Variants in KCTD1 observed in about 807,000 individuals in gnomAD.
The protein encoded by KCTD1 is potassium channel tetramerization domain containing 1.
A neutral mutation model predicts 66.0 loss-of-function variants in KCTD1; 24 were observed. The ratio of observed to expected loss-of-function variants is 0.36; its 90% confidence interval spans 0.26 to 0.51. The LOEUF (loss-of-function observed/expected upper bound fraction) is 0.51, where lower values mean the gene tolerates loss of function less well. Among genes scored for constraint, KCTD1 ranks in the 20% least tolerant of loss-of-function variants. The probability of loss-of-function intolerance (pLI) is 0.95; values close to 1 mark genes in which losing one functional copy is unlikely to be tolerated. For synonymous variants in KCTD1, 511 were observed against 517.2 expected (o/e 0.99, Z 0.16); for missense variants, 943 against 1,205.2 (o/e 0.78, Z 3.22).
chr18:26,554,316 C>T (rs114733601), intron 1 of KCTD1, among the ~76,000 whole-genome samples: 1,993 of 149,860 alleles, frequency 0.013, 70 homozygotes, highest in African/African-American at 0.046. Context: ...TTAAAATACC[C>T]CTGTGTATAA....
intron 1 of KCTD1, among the ~76,000 whole-genome samples, chr18:26,587,843 C>T (rs995794152): frequency 3.3e-5 from 5 of 152,108 alleles, no homozygotes; most frequent in East Asian, 1.9e-4. Context: ...CATGAGAAAA[C>T]GTTAACAGAT....
At chr18:26,498,810 A>G (rs1415559472) in intron 2 of KCTD1, among the ~76,000 whole-genome samples, 4 of 152,186 alleles carry the variant, frequency 2.6e-5, no homozygotes, top group African/African-American at 9.6e-5. Flanking sequence ...TATCCATGGA[A>G]AGATGGGCTG....
At chr18:26,570,958 A>G (rs1197958174) in intron 1 of KCTD1, among the ~76,000 whole-genome samples, 1 of 152,244 alleles carries the variant, frequency 6.6e-6, no homozygotes, top group Non-Finnish European at 1.5e-5. Flanking sequence ...TGTTTCAGGC[A>G]CTTCCATGGT....
At chr18:26,562,854 A>G (rs988356921) in intron 1 of KCTD1, among the ~76,000 whole-genome samples, 3 of 152,106 alleles carry the variant, frequency 2.0e-5, no homozygotes, top group African/African-American at 7.2e-5. Flanking sequence ...TGAACACATC[A>G]GTTCTACCAG....
intron 1 of KCTD1, among the ~76,000 whole-genome samples, chr18:26,589,712 C>A (rs1986552862): frequency 6.6e-6 from 1 of 152,136 alleles, no homozygotes; most frequent in African/African-American, 2.4e-5. Flanking sequence ...AAGGTTAGAC[C>A]CCTCCCTAGC....
chr18:26,548,558 C>T (rs1452689039), upstream of KCTD1: 3 of 1,227,844 alleles, frequency 2.4e-6, no homozygotes, highest in East Asian at 3.3e-5. Flanking sequence ...TCTGCCAGTC[C>T]TCGGGCAGGG....
At chr18:26,474,622 T>C (rs1567959718) in intron 3 of KCTD1, among the ~76,000 whole-genome samples, 1 of 152,166 alleles carries the variant, frequency 6.6e-6, no homozygotes, top group African/African-American at 2.4e-5. Context: ...TGTTCATAGC[T>C]AAAAAAATTT....
chr18:26,540,845 T>C (rs533513884), intron 1 of KCTD1, among the ~76,000 whole-genome samples: 3 of 152,282 alleles, frequency 2.0e-5, no homozygotes, highest in African/African-American at 7.2e-5. Flanking sequence ...AGTTAAAAAT[T>C]TGTTAAAAGC....
chr18:26,493,617 T>C (rs1598895009), intron 2 of KCTD1, among the ~76,000 whole-genome samples: 1 of 152,320 alleles, frequency 6.6e-6, no homozygotes, highest in East Asian at 1.9e-4. Flanking sequence ...ATGAGATACT[T>C]TGAAACAGGC....
chr18:26,593,513 GGAGGAA>G (rs1471622180), intron 1 of KCTD1, among the ~76,000 whole-genome samples: 6 of 87,006 alleles, frequency 6.9e-5, no homozygotes, highest in African/African-American at 2.8e-4. Flanking sequence ...AAGATGAGGA[GGAGGAA>G]GAAGACAAGG....
chr18:26,498,415 A>G (rs1255952864), intron 2 of KCTD1, among the ~76,000 whole-genome samples: 2 of 150,800 alleles, frequency 1.3e-5, no homozygotes, highest in Non-Finnish European at 2.9e-5. Context: ...TCTGTTTCAT[A>G]GTTCAGCGCT....
At chr18:26,494,069 T>C (rs1034651083) in intron 2 of KCTD1, among the ~76,000 whole-genome samples, 1 of 152,112 alleles carries the variant, frequency 6.6e-6, no homozygotes, top group African/African-American at 2.4e-5. Flanking sequence ...AGTAAGTCTG[T>C]TGAAAGAATG....
At chr18:26,650,021 C>A (rs1342091097) in intron 1 of KCTD1, among the ~76,000 whole-genome samples, 5 of 152,164 alleles carry the variant, frequency 3.3e-5, no homozygotes, top group Non-Finnish European at 5.9e-5. Context: ...CATTTCATAG[C>A]GTAAGTGTCT....
At chr18:26,536,588 G>A (rs1567984721) in intron 1 of KCTD1, among the ~76,000 whole-genome samples, 1 of 152,044 alleles carries the variant, frequency 6.6e-6, no homozygotes, top group African/African-American at 2.4e-5. Context: ...ACTCTCCAGG[G>A]CTGACCTGGG....
chr18:26,565,536 A>T (rs1337278811), intron 1 of KCTD1, among the ~76,000 whole-genome samples: 1 of 152,210 alleles, frequency 6.6e-6, no homozygotes, highest in Non-Finnish European at 1.5e-5. Context: ...CCTGCAAGAA[A>T]GAAACTTGTC....
At chr18:26,527,274 G>C (rs745624625) in intron 1 of KCTD1, among the ~76,000 whole-genome samples, 4 of 152,146 alleles carry the variant, frequency 2.6e-5, no homozygotes, top group Non-Finnish European at 4.4e-5. Flanking sequence ...AGGGGAGGGA[G>C]AGCAACTAAC....
chr18:26,530,078 T>C (rs1437673380), intron 1 of KCTD1, among the ~76,000 whole-genome samples: 1 of 152,282 alleles, frequency 6.6e-6, no homozygotes, highest in Admixed American at 6.5e-5. Flanking sequence ...GGAATGGAAA[T>C]GGAAGACTAG....
chr18:26,528,336 C>T (rs143471833), intron 1 of KCTD1, among the ~76,000 whole-genome samples: 1,696 of 152,142 alleles, frequency 0.011, 20 homozygotes, highest in Non-Finnish European at 0.016. Flanking sequence ...AAGGTGAGAC[C>T]ACAGCAACAG....
intron 1 of KCTD1, among the ~76,000 whole-genome samples, chr18:26,623,650 A>G (rs1253761451): frequency 6.6e-6 from 1 of 152,202 alleles, no homozygotes; most frequent in African/African-American, 2.4e-5. Context: ...TTTCCTTTAT[A>G]AATTACCCAG....
Sources: allele counts gnomAD v4.1 joint callset (sites outside exome capture counted in the v4.1 genomes callset), GRCh38; gene constraint gnomAD v4.1.1; transcripts MANE v1.5; gene names NCBI Gene and HGNC (gene_info 2026-07-23, HGNC 2026-07-21).